Variants in RNF144A observed in about 807,000 individuals in gnomAD.
RNF144A encodes E3 ubiquitin-protein ligase RNF144A.
A neutral mutation model predicts 38.7 loss-of-function variants in RNF144A; 11 were observed. The observed-to-expected ratio is 0.28, with a 90% CI of 0.18 to 0.47. The LOEUF (loss-of-function observed/expected upper bound fraction) is 0.47. Among genes scored for constraint, RNF144A ranks in the 20% least tolerant of loss-of-function variants. The pLI, the probability that RNF144A is intolerant of heterozygous loss-of-function variation, is 0.99. For synonymous variants in RNF144A, 149 were observed against 143.9 expected, an observed-to-expected ratio of 1.04 and a Z score of -0.25; for missense variants, 316 against 377.2, an observed-to-expected ratio of 0.84 and a Z score of 1.34.
At chr2:7,053,696 G>A (rs1398522880) in intron 6 of RNF144A, among the ~76,000 whole-genome samples, 1 of 152,218 alleles carries the variant, frequency 6.6e-6, no homozygotes, top group Non-Finnish European at 1.5e-5. Flanking sequence ...ATTTGTTTTT[G>A]TGTATATGTA....
At chr2:7,029,002 C>T (rs1672101371) in intron 7 of RNF144A, among the ~76,000 whole-genome samples, 1 of 152,180 alleles carries the variant, frequency 6.6e-6, no homozygotes, top group South Asian at 2.1e-4. Context: ...TGGTGTCCTC[C>T]CCACAAGGAG....
intron 6 of RNF144A, among the ~76,000 whole-genome samples, chr2:7,067,042 C>T (rs1015988148): frequency 6.6e-6 from 1 of 152,128 alleles, no homozygotes; most frequent in Non-Finnish European, 1.5e-5. Flanking sequence ...ACTTATTTTG[C>T]AAGCAAATCA....
downstream of RNF144A, among the ~76,000 whole-genome samples, chr2:7,046,875 A>T (rs1673329282): frequency 6.6e-6 from 1 of 152,190 alleles, no homozygotes; most frequent in South Asian, 2.1e-4. Flanking sequence ...ATATATTTTT[A>T]TTTATTCTTA....
At chr2:7,035,964 G>C (rs970930852) in intron 8 of RNF144A, among the ~76,000 whole-genome samples, 2 of 152,142 alleles carry the variant, frequency 1.3e-5, no homozygotes, top group African/African-American at 4.8e-5. Flanking sequence ...TCCTGTTAAA[G>C]TAAATGAGCA....
At chr2:6,937,271 A>C (rs1210077756) in intron 1 of RNF144A, among the ~76,000 whole-genome samples, 1 of 152,160 alleles carries the variant, frequency 6.6e-6, no homozygotes, top group Non-Finnish European at 1.5e-5. Flanking sequence ...ATTAGCGCCC[A>C]TTTGCTGGTG....
the RNF144A span, among the ~76,000 whole-genome samples, chr2:7,075,289 C>CCA: frequency 3.3e-5 from 5 of 151,708 alleles, no homozygotes; most frequent in African/African-American, 1.2e-4. Flanking sequence ...CATCCCCCCC[C>CCA]CCACACAGTG....
chr2:6,978,075 G>A (rs1277583219), intron 2 of RNF144A, among the ~76,000 whole-genome samples: 1 of 152,078 alleles, frequency 6.6e-6, no homozygotes, highest in Non-Finnish European at 1.5e-5. Context: ...CCTCAACAGG[G>A]GCTAGTAGAC....
intron 8 of RNF144A, among the ~76,000 whole-genome samples, chr2:7,034,761 G>T (rs12477577): frequency 0.14 from 21,924 of 152,212 alleles, 2,424 homozygotes; most frequent in East Asian, 0.56. Flanking sequence ...GACCATAAAA[G>T]TCCTAAATAC....
chr2:6,925,456 C>G (rs1182461335), intron 1 of RNF144A, among the ~76,000 whole-genome samples: 3 of 152,122 alleles, frequency 2.0e-5, no homozygotes, highest in Admixed American at 1.3e-4. Flanking sequence ...CTGTCCTCCC[C>G]CTTCCCCCCC....
chr2:6,919,661 C>G (rs1664406636), intron 1 of RNF144A, among the ~76,000 whole-genome samples: 1 of 152,076 alleles, frequency 6.6e-6, no homozygotes, highest in African/African-American at 2.4e-5. Flanking sequence ...TGGGCTTCCA[C>G]CTGCATCAGG....
downstream of RNF144A, among the ~76,000 whole-genome samples, chr2:7,069,496 C>A (rs375943028): frequency 6.6e-6 from 1 of 152,156 alleles, no homozygotes; most frequent in East Asian, 1.9e-4. Context: ...TTTCCATCCC[C>A]TGTCTCTTTG....
intron 8 of RNF144A, among the ~76,000 whole-genome samples, chr2:7,031,762 C>T (rs1672317810): frequency 6.6e-6 from 1 of 152,236 alleles, no homozygotes. Context: ...AGCCTGTGGG[C>T]GTCCACAGCA....
chr2:6,970,517 C>T (rs953781997), intron 2 of RNF144A, among the ~76,000 whole-genome samples: 28 of 152,196 alleles, frequency 1.8e-4, no homozygotes, highest in African/African-American at 5.8e-4. Flanking sequence ...GACGAATACA[C>T]GTCCCATCCC....
chr2:7,050,699 T>C (rs1200003453), intron 6 of RNF144A, among the ~76,000 whole-genome samples: 3 of 152,246 alleles, frequency 2.0e-5, no homozygotes. Flanking sequence ...ATAAATTCTC[T>C]CATATACCTT....
chr2:6,918,211 G>T (rs149793743), intron 1 of RNF144A: 5,186 of 152,418 alleles, frequency 0.034, 279 homozygotes, highest in Admixed American at 0.16. Context: ...ACTGCCCCTG[G>T]TCCCCACCGC....
intron 8 of RNF144A, among the ~76,000 whole-genome samples, chr2:7,038,968 TTGA>T (rs1040675219): frequency 6.7e-6 from 1 of 150,214 alleles, no homozygotes; most frequent in African/African-American, 2.5e-5. Context: ...TGGCTAGGTA[TTGA>T]TGGGTGGGTG....
At chr2:6,960,562 A>G (rs1314810947) in intron 2 of RNF144A, among the ~76,000 whole-genome samples, 3 of 152,204 alleles carry the variant, frequency 2.0e-5, no homozygotes, top group Non-Finnish European at 4.4e-5. Context: ...TGAAGGAGAA[A>G]TTAATCACGA....
chr2:7,052,902 C>A (rs900376969), intron 6 of RNF144A, among the ~76,000 whole-genome samples: 2 of 152,052 alleles, frequency 1.3e-5, no homozygotes. Flanking sequence ...TGGGAAGTTT[C>A]CTTTATTTCG....
At chr2:6,945,111 G>A (rs561404617) in intron 2 of RNF144A, among the ~76,000 whole-genome samples, 11 of 152,358 alleles carry the variant, frequency 7.2e-5, no homozygotes, top group African/African-American at 1.9e-4. Flanking sequence ...GACCGGCCAC[G>A]TTTGGGAAAC....
Sources: allele counts gnomAD v4.1 joint callset (sites outside exome capture counted in the v4.1 genomes callset), GRCh38; gene constraint gnomAD v4.1.1; transcripts MANE v1.5; gene names NCBI Gene and HGNC (gene_info 2026-07-23, HGNC 2026-07-21).